Variants in GALNT18 observed in about 807,000 individuals in gnomAD.
GALNT18 encodes polypeptide N-acetylgalactosaminyltransferase 18.
In GALNT18, 44 loss-of-function variants were observed where a neutral mutation model predicts 69.5. The observed-to-expected ratio is 0.63, with a 90% CI of 0.50 to 0.81. The LOEUF (loss-of-function observed/expected upper bound fraction) is 0.81, where lower values mean the gene tolerates loss of function less well. Among genes scored for constraint, GALNT18 ranks in the 40% least tolerant of loss-of-function variants. The pLI, the probability that GALNT18 is intolerant of heterozygous loss-of-function variation, is 0.00. For missense variants in GALNT18, 715 were observed against 810.0 expected, an observed-to-expected ratio of 0.88 and a Z score of 1.42; for synonymous variants, 364 against 318.2, an observed-to-expected ratio of 1.14 and a Z score of -1.53.
intron 10 of GALNT18, among the ~76,000 whole-genome samples, chr11:11,286,010 C>T (rs78002873): frequency 0.013 from 2,020 of 152,306 alleles, 49 homozygotes; most frequent in African/African-American, 0.045. Flanking sequence ...ACAGACATCT[C>T]TGTGGCTATC....
In GALNT18 at chr11:11,559,853, T is replaced by C. The variant is rs537290015; in HGVS notation, c.235+61506A>G. 8.0e-5 allele frequency among the ~76,000 whole-genome samples: 12 copies of C among 149,380 alleles called. No individual in the cohort carries two copies. The South Asian group carries it at 2.4e-3, about 29-fold the overall frequency. ...TGAGATATGATGGGATGGGGTGAAATAGAATGATATGATGGGATGGTGTGG... is the reference window on the plus strand; with the variant it reads ...TGAGATATGATGGGATGGGGTGAAACAGAATGATATGATGGGATGGTGTGG... On this transcript the variant is annotated intron_variant, in intron 1 of 10. Coordinates refer to ENST00000227756, the MANE Select transcript of GALNT18 (RefSeq NM_198516.3).
intron 6 of GALNT18, among the ~76,000 whole-genome samples, chr11:11,364,146 T>G (rs1041457688): frequency 5.9e-5 from 9 of 152,344 alleles, no homozygotes; most frequent in African/African-American, 2.2e-4. Context: ...CCAAATGAAT[T>G]TATTTGTACT....
chr11:11,326,132 C>A (rs906411094), intron 9 of GALNT18, among the ~76,000 whole-genome samples: 1 of 150,786 alleles, frequency 6.6e-6, no homozygotes, highest in Non-Finnish European at 1.5e-5. Context: ...GCAAGCTCTG[C>A]CTCCCGGGTT....
rs1381289412 is a variant in GALNT18, at chr11:11,341,176, C to T, written c.1093-172G>A. On this transcript the variant is annotated intron_variant, in intron 6 of 10. Transcript: ENST00000227756. This position sits in a 1 kb window ranked among gnomAD's most constrained non-coding sequence, Gnocchi z 6.3. The stretch of plus-strand genomic sequence containing the variant: ...TACCTGATTTCTGCTCCTATAGCAG[C>T]AGGATGGCTATGGAGTCATTAATTC... Among the ~76,000 whole-genome samples, 1 of 152,200 alleles carries T rather than the reference C, an allele frequency of 6.6e-6. No homozygotes were observed. Among genetic ancestry groups the T allele is most frequent in the Admixed American group, 6.5e-5 (1 of 15,286 alleles).
Position 11,484,517 on chromosome 11 carries a change from C to G in GALNT18, c.236-35581G>C, listed in dbSNP as rs2133874625. Among the ~76,000 whole-genome samples the G allele has an allele frequency of 1.4e-5, 2 of 146,516 alleles. 1 individual carries two copies. The highest frequency in any genetic ancestry group is 4.3e-4 in the South Asian group (2 of 4,636). On this transcript the variant is annotated intron_variant, in intron 1 of 10. Transcript: ENST00000227756. Reference sequence around the variant, plus strand: ...CTGAGGCAGGAGAATTGCTTGAACCCAGGAGGCGGAGGTTGTGGTGAGCCG... The same window carrying G: ...CTGAGGCAGGAGAATTGCTTGAACCGAGGAGGCGGAGGTTGTGGTGAGCCG...
intron 1 of GALNT18, among the ~76,000 whole-genome samples, chr11:11,526,352 G>A (rs2133935697): frequency 6.6e-6 from 1 of 152,242 alleles, no homozygotes; most frequent in African/African-American, 2.4e-5. Flanking sequence ...TAAATTCATA[G>A]ACTCTTACAA....
intron 1 of GALNT18, among the ~76,000 whole-genome samples, chr11:11,547,154 C>G (rs554006014): frequency 5.6e-4 from 85 of 152,268 alleles, no homozygotes; most frequent in Non-Finnish European, 9.3e-4. Flanking sequence ...AGGTGCACAA[C>G]AAATGACAGC....
intron 10 of GALNT18, among the ~76,000 whole-genome samples, chr11:11,271,911 C>G (rs1455758511): frequency 1.3e-5 from 2 of 152,172 alleles, no homozygotes; most frequent in Non-Finnish European, 2.9e-5. Flanking sequence ...TCATATCAGC[C>G]CTATAGCAGC....
Position 11,361,782 on chromosome 11 carries a change from C to T in GALNT18, c.1092+10733G>A, listed in dbSNP as rs60245290. 3.2e-3 allele frequency among the ~76,000 whole-genome samples: 490 copies of T among 152,268 alleles called. 4 individuals carry two copies. In the East Asian group the frequency reaches 0.046, roughly 14 times the overall value. The stretch of plus-strand genomic sequence containing the variant: ...AAGCACATTATGAAAATTAAACAGC[C>T]ATAAATCCTGACATCACGTGTTTTA... On this transcript the variant is annotated intron_variant, in intron 6 of 10. Coordinates refer to ENST00000227756, the MANE Select transcript of GALNT18 (RefSeq NM_198516.3).
intron 9 of GALNT18, among the ~76,000 whole-genome samples, chr11:11,324,393 C>T (rs1392071731): frequency 6.6e-6 from 1 of 152,160 alleles, no homozygotes; most frequent in Admixed American, 6.5e-5. Context: ...CCAAACTGGC[C>T]ATAGTCCAAG....
chr11:11,587,623 C>T lies in GALNT18; in HGVS notation c.235+33736G>A, dbSNP rs529768820. Among the ~76,000 whole-genome samples the T allele has an allele frequency of 2.0e-5, 3 of 152,292 alleles. No homozygotes were observed. Among genetic ancestry groups the T allele is most frequent in the South Asian group, 2.1e-4 (1 of 4,816 alleles). ...AAGTTGATGTTTTACATGGAATGCC[C>T]TCACCAATGCTGTTTCCAAAGTTAT... On this transcript the variant is annotated intron_variant, in intron 1 of 10. Transcript: ENST00000227756. The surrounding 1 kb of genome is among the most constrained non-coding windows in gnomAD (Gnocchi z 4.4).
chr11:11,554,490 G>T (rs1246915928), intron 1 of GALNT18, among the ~76,000 whole-genome samples: 2 of 152,000 alleles, frequency 1.3e-5, no homozygotes, highest in East Asian at 1.9e-4. Context: ...AAAAAAATGA[G>T]GGGGAGGGAT....
At chr11:11,277,607 G>A (rs1400465701) in intron 10 of GALNT18, among the ~76,000 whole-genome samples, 3 of 152,134 alleles carry the variant, frequency 2.0e-5, no homozygotes, top group African/African-American at 7.2e-5. Context: ...GTCAATTTTA[G>A]ATCTTTCCTG....
At chr11:11,569,633 C>G (rs1349521620) in intron 1 of GALNT18, among the ~76,000 whole-genome samples, 1 of 152,154 alleles carries the variant, frequency 6.6e-6, no homozygotes, top group Non-Finnish European at 1.5e-5. Context: ...AGGGCTATGT[C>G]CCATCTGCCT....
rs146326946 is a variant in GALNT18 at position 11,602,212 on chromosome 11, G to A, written c.235+19147C>T. Among the ~76,000 whole-genome samples the A allele has an allele frequency of 6.6e-6, 1 of 152,152 alleles. No individual in the cohort carries two copies. Among genetic ancestry groups the A allele is most frequent in the Admixed American group, 6.5e-5 (1 of 15,280 alleles). On this transcript the variant is annotated intron_variant, in intron 1 of 10. Coordinates refer to ENST00000227756, the MANE Select transcript of GALNT18 (RefSeq NM_198516.3). This position sits in a 1 kb window ranked among gnomAD's most constrained non-coding sequence, Gnocchi z 4.7. ...TATGAGTAGGGTGCTGGGTGGAGAT[G>A]GTAGTCACTGATCTTCTTGAATTGT...
At chr11:11,306,927 G>T (rs1434633920) in intron 9 of GALNT18, among the ~76,000 whole-genome samples, 2 of 152,236 alleles carry the variant, frequency 1.3e-5, no homozygotes, top group African/African-American at 4.8e-5. Context: ...GGGCACTCGT[G>T]CATTGGTGCT....
chr11:11,395,570 T>C (rs1395772623), intron 3 of GALNT18, among the ~76,000 whole-genome samples: 2 of 152,202 alleles, frequency 1.3e-5, no homozygotes, highest in African/African-American at 4.8e-5. Context: ...TGTTCCTGCA[T>C]GAGGCAAGGG....
Position 11,396,860 on chromosome 11 carries a change from A to G in GALNT18, c.596-17596T>C, listed in dbSNP as rs1212115373. On this transcript the variant is annotated intron_variant, in intron 3 of 10. Coordinates refer to ENST00000227756, the MANE Select transcript of GALNT18 (RefSeq NM_198516.3). This position sits in a 1 kb window ranked among gnomAD's most constrained non-coding sequence, Gnocchi z 5.2. Reference sequence around the variant, plus strand: ...CTTGGCTGCCAAAGGAAAGGCTTTCATTCCAGTCAAAGCAGGGTGCTGGAC... The same window carrying G: ...CTTGGCTGCCAAAGGAAAGGCTTTCGTTCCAGTCAAAGCAGGGTGCTGGAC... Among the ~76,000 whole-genome samples the G allele has an allele frequency of 6.6e-6, 1 of 152,142 alleles. No individual in the cohort carries two copies. The highest frequency in any genetic ancestry group is 1.9e-4 in the East Asian group (1 of 5,194).
At position 11,341,235 on chromosome 11, in the gene GALNT18, C is replaced by T. The variant is rs1261058829; in HGVS notation, c.1093-231G>A. ...GCTCTTATTGCTGTGGATTTACCAA[C>T]AAAAAAAATGAATGCACTTTTTCCC... On this transcript the variant is annotated intron_variant, in intron 6 of 10. Coordinates refer to ENST00000227756, the MANE Select transcript of GALNT18 (RefSeq NM_198516.3). The surrounding 1 kb of genome is among the most constrained non-coding windows in gnomAD (Gnocchi z 6.3). Among the ~76,000 whole-genome samples, 1 of 151,880 alleles carries T rather than the reference C, an allele frequency of 6.6e-6. No individual in the cohort carries two copies. Among genetic ancestry groups the T allele is most frequent in the Non-Finnish European group, 1.5e-5 (1 of 67,956 alleles).
Sources: gnomAD v4.1 joint callset for allele counts (sites outside exome capture counted in the v4.1 genomes callset) on GRCh38, gnomAD v4.1.1 for gene constraint, Gnocchi (gnomAD v3.1) non-coding constraint, MANE v1.5 for transcripts, NCBI Gene and HGNC (gene_info 2026-07-23, HGNC 2026-07-21) for gene names.